The following B3GALT1 variants were observed in gnomAD, a reference collection of about 807,000 sequenced individuals.
The protein encoded by B3GALT1 is beta-1,3-galactosyltransferase 1.
Under a neutral mutation model 23.2 loss-of-function variants are expected in B3GALT1, and 10 were observed. The observed-to-expected ratio is 0.43, with a 90% CI of 0.27 to 0.73. The LOEUF is 0.73. B3GALT1 is among the 30% of genes least tolerant of loss of function. B3GALT1 has a pLI of 0.21. For missense variants in B3GALT1, 299 were observed against 405.4 expected, an observed-to-expected ratio of 0.74 and a Z score of 2.25; for synonymous variants, 156 against 141.5, an observed-to-expected ratio of 1.10 and a Z score of -0.73.
At chr2:167,465,376 G>T (rs992776880) in intron 1 of B3GALT1, among the ~76,000 whole-genome samples, 3 of 152,038 alleles carry the variant, frequency 2.0e-5, no homozygotes, top group African/African-American at 7.2e-5. Flanking sequence ...TGGGTAATTC[G>T]TAAATTATAG....
intron 2 of B3GALT1, among the ~76,000 whole-genome samples, chr2:167,625,585 A>G (rs1025744840): frequency 6.6e-6 from 1 of 151,810 alleles, no homozygotes; most frequent in Admixed American, 6.6e-5. Context: ...TTATTTTCAC[A>G]TTCAGAAGGG....
intron 1 of B3GALT1, among the ~76,000 whole-genome samples, chr2:167,420,357 T>A (rs1204436090): frequency 6.6e-6 from 1 of 152,096 alleles, no homozygotes; most frequent in Non-Finnish European, 1.5e-5. Context: ...CTAACAAACG[T>A]AACTACAAGA....
At chr2:167,409,719 TTTG>T (rs554120934) in intron 1 of B3GALT1, among the ~76,000 whole-genome samples, 134 of 152,048 alleles carry the variant, frequency 8.8e-4, no homozygotes, top group African/African-American at 3.0e-3. Context: ...CACAGAGTTG[TTTG>T]TTGAGATACC....
At chr2:167,411,881 A>G (rs1698397274) in intron 1 of B3GALT1, among the ~76,000 whole-genome samples, 1 of 152,182 alleles carries the variant, frequency 6.6e-6, no homozygotes, top group Non-Finnish European at 1.5e-5. Context: ...CCATAAAACA[A>G]ATGAAATACT....
chr2:167,776,802 G>T (rs1241488445), intron 3 of B3GALT1, among the ~76,000 whole-genome samples: 10 of 152,150 alleles, frequency 6.6e-5, no homozygotes. Flanking sequence ...TTGAGAATAA[G>T]ATTTAGAAAA....
intron 2 of B3GALT1, among the ~76,000 whole-genome samples, chr2:167,580,689 TA>T (rs58130117): frequency 0.019 from 2,859 of 151,704 alleles, 74 homozygotes; most frequent in African/African-American, 0.064. Context: ...TGCCAACTGA[TA>T]AAAAAAAATT....
intron 4 of B3GALT1, among the ~76,000 whole-genome samples, chr2:167,830,962 G>A (rs930875449): frequency 5.9e-5 from 9 of 152,186 alleles, no homozygotes; most frequent in African/African-American, 1.4e-4. Context: ...TGAGCCTCTG[G>A]ACATTTGTCT....
chr2:167,751,048 G>C (rs1047828078), intron 3 of B3GALT1, among the ~76,000 whole-genome samples: 1 of 152,124 alleles, frequency 6.6e-6, no homozygotes, highest in Non-Finnish European at 1.5e-5. Flanking sequence ...AAGAAAACAG[G>C]CGTAAACAAC....
chr2:167,294,673 G>C (rs1209114461), intron 1 of B3GALT1, among the ~76,000 whole-genome samples: 1 of 152,204 alleles, frequency 6.6e-6, no homozygotes, highest in East Asian at 1.9e-4. Flanking sequence ...GCGAGGCTCC[G>C]GTACTTGACT....
At chr2:167,493,897 C>T (rs766840902) in intron 2 of B3GALT1, among the ~76,000 whole-genome samples, 3 of 152,114 alleles carry the variant, frequency 2.0e-5, no homozygotes, top group Non-Finnish European at 2.9e-5. Context: ...TTTTATCAAG[C>T]TCCTCATGTT....
chr2:167,564,361 C>A (rs531996614), intron 2 of B3GALT1, among the ~76,000 whole-genome samples: 1 of 150,358 alleles, frequency 6.7e-6, no homozygotes. Context: ...CGGGCAGAGA[C>A]GCTCCCCACT....
chr2:167,400,901 G>T (rs1880171), intron 1 of B3GALT1, among the ~76,000 whole-genome samples: 143,602 of 152,182 alleles, frequency 0.94, 68,055 homozygotes, highest in Non-Finnish European at 0.99. Context: ...AGACAAGAAT[G>T]AAATAGGAAA....
intron 1 of B3GALT1, among the ~76,000 whole-genome samples, chr2:167,446,669 G>GTGC (rs1699000457): frequency 6.6e-6 from 1 of 152,158 alleles, no homozygotes; most frequent in Non-Finnish European, 1.5e-5. Context: ...ACTGAAGCTT[G>GTGC]TGCATGCATC....
In B3GALT1 at chr2:167,458,996, T is replaced by C. The variant is rs184515619; in HGVS notation, c.-510-31181T>C. On this transcript the variant is annotated intron_variant, in intron 1 of 4. Transcript: ENST00000392690. Reference sequence around the variant, plus strand: ...TTCCATCCTTTCACTTTCAATCTATTTGTGCCTTTGGATATAAAAGTGAGT... The same window carrying C: ...TTCCATCCTTTCACTTTCAATCTATCTGTGCCTTTGGATATAAAAGTGAGT... 3.3e-5 allele frequency among the ~76,000 whole-genome samples: 5 copies of C among 152,296 alleles called. No homozygotes were observed. In the East Asian group the frequency reaches 9.6e-4, roughly 29 times the overall value.
At chr2:167,640,350 A>G (rs962563516) in intron 2 of B3GALT1, among the ~76,000 whole-genome samples, 2 of 151,348 alleles carry the variant, frequency 1.3e-5, no homozygotes, top group Non-Finnish European at 2.9e-5. Context: ...TAGAGCACAG[A>G]GTTTTTCAGA....
chr2:167,343,865 C>T (rs962652185), intron 1 of B3GALT1, among the ~76,000 whole-genome samples: 1 of 152,052 alleles, frequency 6.6e-6, no homozygotes, highest in Non-Finnish European at 1.5e-5. Flanking sequence ...AGCTAAAAGG[C>T]AAAAGATAGG....
In B3GALT1 at chr2:167,563,955, A is replaced by AC. The variant is rs1301795052; in HGVS notation, c.-410+73685dup. On this transcript the variant is annotated intron_variant, in intron 2 of 4. Coordinates refer to ENST00000392690, the MANE Select transcript of B3GALT1 (RefSeq NM_020981.4). ...CGGGGCGGCTGGCCAGGCGGGGCCG[A>AC]CCCCCCCACCTCCCTTCCGGACGGG... 3.0e-3 allele frequency among the ~76,000 whole-genome samples: 229 copies of AC among 76,840 alleles called. 1 individual carries two copies. The highest frequency in any genetic ancestry group is 0.01 in the African/African-American group (200 of 19,306). The allele number at this position is 76,840 out of a possible 152,430, so 50.4% of individuals were successfully genotyped here.
At chr2:167,637,167 A>C (rs554053341) in intron 2 of B3GALT1, among the ~76,000 whole-genome samples, 1 of 152,008 alleles carries the variant, frequency 6.6e-6, no homozygotes, top group African/African-American at 2.4e-5. Flanking sequence ...CTGAATCAAG[A>C]TGGATTTCTG....
intron 2 of B3GALT1, among the ~76,000 whole-genome samples, chr2:167,520,051 AAAAG>A (rs1700164819): frequency 1.3e-5 from 2 of 151,966 alleles, no homozygotes; most frequent in South Asian, 2.1e-4. Context: ...TCTCAAAAAA[AAAAG>A]AAAAGAAAGA....
Sources: gnomAD v4.1 joint callset for allele counts (sites outside exome capture counted in the v4.1 genomes callset) on GRCh38, gnomAD v4.1.1 for gene constraint, MANE v1.5 for transcripts, NCBI Gene and HGNC (gene_info 2026-07-23, HGNC 2026-07-21) for gene names.